Variants in NBAS observed in about 807,000 individuals in gnomAD.
NBAS encodes NBAS subunit of NRZ tethering complex.
A neutral mutation model predicts 302.5 loss-of-function variants in NBAS; 219 were observed. The observed-to-expected ratio is 0.72, with a 90% CI of 0.65 to 0.81. NBAS has a LOEUF of 0.81. Ranked by LOEUF, NBAS falls within the 30% of genes least tolerant of loss-of-function variation. NBAS has a pLI of 0.00. For missense variants in NBAS, 2,932 were observed against 2,841.6 expected (o/e 1.03, Z -0.72); for synonymous variants, 1,118 against 1,021.6 (o/e 1.09, Z -1.80).
chr2:15,395,975 A>G (rs920483235), intron 27 of NBAS, among the ~76,000 whole-genome samples: 2 of 152,122 alleles, frequency 1.3e-5, no homozygotes, highest in South Asian at 2.1e-4. Context: ...AGTCAATTCA[A>G]TGTATTATGC....
intron 44 of NBAS, among the ~76,000 whole-genome samples, chr2:15,247,710 A>ATACCTC (rs1199660298): frequency 2.2e-4 from 24 of 110,196 alleles, no homozygotes; most frequent in Non-Finnish European, 2.3e-4. Flanking sequence ...CTCTCTATAT[A>ATACCTC]TATCTATATA....
chr2:15,294,788 G>T (rs561373276), intron 40 of NBAS, among the ~76,000 whole-genome samples: 5 of 152,344 alleles, frequency 3.3e-5, no homozygotes, highest in African/African-American at 1.2e-4. Flanking sequence ...CCTTGAAGGA[G>T]TTCCTAGTGC....
intron 19 of NBAS, among the ~76,000 whole-genome samples, chr2:15,463,461 T>A (rs1166573026): frequency 6.6e-6 from 1 of 152,104 alleles, no homozygotes; most frequent in Non-Finnish European, 1.5e-5. Flanking sequence ...GCATACTAAG[T>A]GGTATTTTAA....
At chr2:15,330,806 A>G (rs1211115948) in intron 35 of NBAS, 41 bp from the exon 36 acceptor site, 1 of 1,599,240 alleles carries the variant, frequency 6.3e-7, no homozygotes, top group East Asian at 2.2e-5. Flanking sequence ...AAAATGCATT[A>G]CCATAAGAAC....
intron 48 of NBAS, among the ~76,000 whole-genome samples, chr2:15,205,831 C>T (rs943657833): frequency 6.6e-6 from 1 of 152,144 alleles, no homozygotes; most frequent in African/African-American, 2.4e-5. Context: ...CCTTTACCTT[C>T]TGTCATGATT....
At chr2:15,499,981 T>C (rs1185894389) in intron 11 of NBAS, among the ~76,000 whole-genome samples, 3 of 152,198 alleles carry the variant, frequency 2.0e-5, no homozygotes, top group Non-Finnish European at 4.4e-5. Flanking sequence ...TACCCATTTG[T>C]TCTTTCTTCA....
At chr2:15,315,293 A>C (rs545074989) in intron 38 of NBAS, among the ~76,000 whole-genome samples, 107 of 152,326 alleles carry the variant, frequency 7.0e-4, no homozygotes, top group African/African-American at 2.5e-3. Context: ...GGGGTGGAAA[A>C]ATACAGGTAC....
the NBAS span, among the ~76,000 whole-genome samples, chr2:15,044,124 T>G: frequency 8.3e-6 from 1 of 120,912 alleles, no homozygotes; most frequent in African/African-American, 3.1e-5. Flanking sequence ...AGAGAAAACT[T>G]AAAAACTTTT....
At chr2:14,999,148 A>G in the NBAS span, among the ~76,000 whole-genome samples, 1 of 151,876 alleles carries the variant, frequency 6.6e-6, no homozygotes, top group South Asian at 2.1e-4. Context: ...GGCTGCAGGA[A>G]TTCTGCCATT....
intron 48 of NBAS, among the ~76,000 whole-genome samples, chr2:15,195,382 T>G (rs1446064978): frequency 6.6e-6 from 1 of 152,206 alleles, no homozygotes; most frequent in Non-Finnish European, 1.5e-5. Flanking sequence ...ATATACATAC[T>G]GTCTGATTCC....
the NBAS span, among the ~76,000 whole-genome samples, chr2:14,840,281 A>G: frequency 3.3e-5 from 5 of 152,004 alleles, no homozygotes; most frequent in African/African-American, 1.2e-4. Context: ...CCTACAAGAT[A>G]TAGAAAATTA....
the NBAS span, among the ~76,000 whole-genome samples, chr2:15,042,763 T>C: frequency 3.3e-5 from 5 of 152,194 alleles, no homozygotes; most frequent in Non-Finnish European, 5.9e-5. Flanking sequence ...AATCCATAAA[T>C]GGAGAGATTC....
At chr2:15,022,423 A>G in the NBAS span, among the ~76,000 whole-genome samples, 1 of 152,218 alleles carries the variant, frequency 6.6e-6, no homozygotes, top group East Asian at 1.9e-4. Context: ...AATGAGAGAC[A>G]GTCATTGTCA....
chr2:15,246,861 T>G (rs762696304), intron 44 of NBAS, among the ~76,000 whole-genome samples: 1 of 152,164 alleles, frequency 6.6e-6, no homozygotes, highest in African/African-American at 2.4e-5. Context: ...CAAAGTCTAG[T>G]TGTAAATACG....
At position 15,292,724 on chromosome 2, in the gene NBAS, TCA is replaced by T. The variant is rs1558509149; in HGVS notation, c.4838_4839del (p.Val1613AspfsTer4). 1 of 1,614,022 alleles carries T rather than the reference TCA, an allele frequency of 6.2e-7. No homozygotes were observed. Among genetic ancestry groups the T allele is most frequent in the Non-Finnish European group, 8.5e-7 (1 of 1,180,004 alleles). ...GGCCAGGCTTCGTGCTCATGTCGAGTCACATGCCTGGTGACCATCTTGATTAG... is the reference window on the plus strand; with the variant it reads ...GGCCAGGCTTCGTGCTCATGTCGAGTCATGCCTGGTGACCATCTTGATTAG... ...KELIKMVTRH[V>X]TRHEHEAWPE... On this transcript the variant is annotated frameshift_variant, in exon 41 of 52. Transcript: ENST00000281513. LOFTEE classifies it high-confidence loss of function.
chr2:15,397,633 G>A, intron 26 of NBAS: 1 of 580,662 alleles, frequency 1.7e-6, no homozygotes, highest in Non-Finnish European at 3.2e-6. Context: ...AAATGTTCCT[G>A]ACTGCTGTGG....
chr2:14,852,711 T>C, the NBAS span, among the ~76,000 whole-genome samples: 1 of 149,038 alleles, frequency 6.7e-6, no homozygotes, highest in South Asian at 2.1e-4. Context: ...ATGGGACTGG[T>C]ACCAAAACAG....
rs374606166 is a variant in NBAS at position 15,403,653 on chromosome 2, G to A, written c.2938-1352C>T. On this transcript the variant is annotated intron_variant, in intron 25 of 51. Transcript: ENST00000281513. ...CATCCATGGATTTTGGTAGCCTGGCGGCAGGAGGGCTTAAGAGGGGTACTA... is the reference window on the plus strand; with the variant it reads ...CATCCATGGATTTTGGTAGCCTGGCAGCAGGAGGGCTTAAGAGGGGTACTA... Among the ~76,000 whole-genome samples, 7 of 152,118 alleles carry A rather than the reference G, an allele frequency of 4.6e-5. 1 individual carries two copies. The South Asian group carries it at 1.0e-3, about 23-fold the overall frequency.
chr2:14,786,850 G>A, the NBAS span, among the ~76,000 whole-genome samples: 2 of 152,148 alleles, frequency 1.3e-5, no homozygotes, highest in Non-Finnish European at 2.9e-5. Context: ...GCTTGGTGCA[G>A]AGCTGAGTTC....
Sources: allele counts gnomAD v4.1 joint callset (sites outside exome capture counted in the v4.1 genomes callset), GRCh38; gene constraint gnomAD v4.1.1; transcripts MANE v1.5; gene names NCBI Gene and HGNC (gene_info 2026-07-23, HGNC 2026-07-21).